VWC2L: variants seen among roughly 807,000 people sequenced by gnomAD.
VWC2L encodes the protein von Willebrand factor C domain-containing protein 2-like.
VWC2L carries 10 observed loss-of-function variants against 21.6 expected under a neutral mutation model. That is an observed-to-expected ratio of 0.46 (90% CI 0.29 to 0.78). VWC2L has a LOEUF of 0.78. Among genes scored for constraint, VWC2L ranks in the 30% least tolerant of loss-of-function variants. The probability of loss-of-function intolerance (pLI) is 0.10; values close to 1 mark genes in which losing one functional copy is unlikely to be tolerated. For missense variants in VWC2L, 209 were observed against 277.1 expected (o/e 0.75, Z 1.74); for synonymous variants, 96 against 94.3 (o/e 1.02, Z -0.10).
chr2:214,467,248 C>T (rs1016658647), intron 3 of VWC2L, among the ~76,000 whole-genome samples: 9 of 152,182 alleles, frequency 5.9e-5, no homozygotes, highest in African/African-American at 2.2e-4. Flanking sequence ...CCTGTTGGTT[C>T]GTTCCCTAGT....
intron 3 of VWC2L, among the ~76,000 whole-genome samples, chr2:214,467,506 T>C (rs1703234733): frequency 6.6e-6 from 1 of 152,224 alleles, no homozygotes; most frequent in Non-Finnish European, 1.5e-5. Flanking sequence ...ATTTATTAGT[T>C]ACCCATCTCT....
intron 3 of VWC2L, among the ~76,000 whole-genome samples, chr2:214,473,234 C>A (rs1192247638): frequency 6.6e-6 from 1 of 152,134 alleles, no homozygotes; most frequent in Non-Finnish European, 1.5e-5. Context: ...TAATGATAAT[C>A]ATTAATACAT....
chr2:214,560,449 T>C (rs1689949014), intron 3 of VWC2L, among the ~76,000 whole-genome samples: 1 of 152,166 alleles, frequency 6.6e-6, no homozygotes, highest in South Asian at 2.1e-4. Flanking sequence ...TTTCCCTGAG[T>C]GAGAACATGA....
In VWC2L at chr2:214,577,105, T is replaced by A. The variant is rs1690241782; in HGVS notation, c.*1285T>A. On this transcript the variant is annotated 3_prime_UTR_variant, in exon 4 of 4. Coordinates refer to ENST00000312504, the MANE Select transcript of VWC2L (RefSeq NM_001080500.4). ...ATGCCACCTCGATTCAAGTGCAAAATTAACAATTCTGAAACCACATGGCAT... is the reference window on the plus strand; with the variant it reads ...ATGCCACCTCGATTCAAGTGCAAAAATAACAATTCTGAAACCACATGGCAT... The A allele has an allele frequency of 1.3e-5, 2 of 152,120 alleles. No homozygotes were observed. The highest frequency in any genetic ancestry group is 4.2e-4 in the South Asian group (2 of 4,814). The allele number at this position is 152,120 out of a possible 1,614,324, so 9.4% of individuals were successfully genotyped here. A position where few individuals can be genotyped will look rare whatever the true frequency, so the allele number is the denominator to read the frequency against.
chr2:214,545,040 A>G (rs76437275), intron 3 of VWC2L, among the ~76,000 whole-genome samples: 11,915 of 152,248 alleles, frequency 0.078, 514 homozygotes, highest in Middle Eastern at 0.16. Flanking sequence ...TTTGGAAAGC[A>G]GTGTCTAAAA....
intron 2 of VWC2L, among the ~76,000 whole-genome samples, chr2:214,430,216 C>CTTTT (rs10654111): frequency 4.9e-4 from 75 of 151,528 alleles, no homozygotes; most frequent in Non-Finnish European, 9.3e-4. Flanking sequence ...AATGAGCAAA[C>CTTTT]TTTACTTGAT....
intron 3 of VWC2L, among the ~76,000 whole-genome samples, chr2:214,512,369 T>C (rs1284043312): frequency 1.3e-5 from 2 of 151,876 alleles, no homozygotes; most frequent in Non-Finnish European, 2.9e-5. Context: ...TACATGGACA[T>C]ATAGAGGGGG....
intron 3 of VWC2L, among the ~76,000 whole-genome samples, chr2:214,440,522 C>A (rs1702750030): frequency 6.6e-6 from 1 of 151,900 alleles, no homozygotes; most frequent in African/African-American, 2.4e-5. Flanking sequence ...AATAATTTAG[C>A]ACAGCATCTG....
chr2:214,426,464 A>C (rs1329821587), intron 2 of VWC2L, among the ~76,000 whole-genome samples: 1 of 152,226 alleles, frequency 6.6e-6, no homozygotes, highest in African/African-American at 2.4e-5. Flanking sequence ...CAAACGGCTT[A>C]GATCAAAGAA....
At chr2:214,521,902 C>T (rs549922810) in intron 3 of VWC2L, among the ~76,000 whole-genome samples, 259 of 152,318 alleles carry the variant, frequency 1.7e-3, no homozygotes, top group South Asian at 8.5e-3. Flanking sequence ...TTTTGTCCTT[C>T]CTGCATTAAT....
intron 3 of VWC2L, among the ~76,000 whole-genome samples, chr2:214,460,769 T>C (rs947448003): frequency 3.3e-5 from 5 of 152,102 alleles, no homozygotes; most frequent in Non-Finnish European, 5.9e-5. Context: ...TCATAAATTT[T>C]TCATTGGAAT....
intron 3 of VWC2L, among the ~76,000 whole-genome samples, chr2:214,515,715 G>A (rs1414365064): frequency 2.0e-5 from 3 of 151,930 alleles, no homozygotes; most frequent in Admixed American, 6.6e-5. Flanking sequence ...CACCAGTCCC[G>A]GCTAATTTTT....
At chr2:214,543,672 A>C (rs1041069406) in intron 3 of VWC2L, among the ~76,000 whole-genome samples, 1 of 151,920 alleles carries the variant, frequency 6.6e-6, no homozygotes, top group African/African-American at 2.4e-5. Context: ...AAAAAGACTA[A>C]GAGAGGAAAA....
intron 3 of VWC2L, among the ~76,000 whole-genome samples, chr2:214,494,531 C>G (rs1688786114): frequency 6.6e-6 from 1 of 152,130 alleles, no homozygotes; most frequent in African/African-American, 2.4e-5. Flanking sequence ...CCAAGTCAGC[C>G]TTCTTTAACC....
intron 3 of VWC2L, among the ~76,000 whole-genome samples, chr2:214,533,133 C>T (rs1479351914): frequency 1.3e-5 from 2 of 152,050 alleles, no homozygotes; most frequent in African/African-American, 2.4e-5. Flanking sequence ...TTGCGATTAC[C>T]TGACAAACCA....
intron 3 of VWC2L, among the ~76,000 whole-genome samples, chr2:214,554,719 C>A (rs1689849090): frequency 6.6e-6 from 1 of 152,134 alleles, no homozygotes; most frequent in African/African-American, 2.4e-5. Flanking sequence ...AAGTGACAAG[C>A]ACTCACATTA....
At chr2:214,517,230 C>T (rs1689157828) in intron 3 of VWC2L, among the ~76,000 whole-genome samples, 2 of 152,296 alleles carry the variant, frequency 1.3e-5, no homozygotes, top group East Asian at 1.9e-4. Context: ...TTTCAGTACC[C>T]CAGACTCTCA....
At chr2:214,571,575 T>C (rs568749348) in intron 3 of VWC2L, among the ~76,000 whole-genome samples, 1 of 152,310 alleles carries the variant, frequency 6.6e-6, no homozygotes, top group Admixed American at 6.5e-5. Flanking sequence ...TTTATACTAT[T>C]TCATTCAGTT....
At chr2:214,463,413 C>T (rs1703169554) in intron 3 of VWC2L, among the ~76,000 whole-genome samples, 1 of 152,010 alleles carries the variant, frequency 6.6e-6, no homozygotes, top group South Asian at 2.1e-4. Context: ...TATAGCCATT[C>T]CATCTTTTCC....
Sources: allele counts gnomAD v4.1 joint callset (sites outside exome capture counted in the v4.1 genomes callset), GRCh38; gene constraint gnomAD v4.1.1; transcripts MANE v1.5; gene names NCBI Gene and HGNC (gene_info 2026-07-23, HGNC 2026-07-21).